Variants in SYN3 observed in about 807,000 individuals in gnomAD.
SYN3 encodes synapsin-3.
In SYN3, 35 loss-of-function variants were observed where a neutral mutation model predicts 65.8. The ratio of observed to expected loss-of-function variants is 0.53; its 90% CI spans 0.41 to 0.70. SYN3 has a LOEUF of 0.70. Ranked by LOEUF, SYN3 falls within the 30% of genes least tolerant of loss-of-function variation. The probability of loss-of-function intolerance (pLI) is 0.00; values close to 1 mark genes in which losing one functional copy is unlikely to be tolerated. For missense variants in SYN3, 680 were observed against 749.0 expected (o/e 0.91, Z 1.08); for synonymous variants, 270 against 292.9 (o/e 0.92, Z 0.80).
chr22:32,513,542 A>T lies in SYN3; in HGVS notation c.*150T>A. On this transcript the variant is annotated 3_prime_UTR_variant, in exon 14 of 14. Transcript: ENST00000358763. ...GGTGAAGGAAAATGGGAACAAATAT[A>T]GATAATCGGTTCCTGGGTCAAAGGC... The T allele has an allele frequency of 9.6e-7, 1 of 1,043,278 alleles. No homozygotes were observed. Among genetic ancestry groups the T allele is most frequent in the Non-Finnish European group, 1.4e-6 (1 of 728,066 alleles). 64.6% of individuals were successfully genotyped at this position (1,043,278 alleles called of 1,614,324 possible).
At chr22:32,675,447 G>A (rs2060426824) in intron 6 of SYN3, among the ~76,000 whole-genome samples, 2 of 152,142 alleles carry the variant, frequency 1.3e-5, no homozygotes, top group Non-Finnish European at 2.9e-5. Context: ...TCAGCTGCCT[G>A]GGACATGGCA....
At chr22:33,040,996 C>A (rs1412394261) in intron 1 of SYN3, among the ~76,000 whole-genome samples, 1 of 149,002 alleles carries the variant, frequency 6.7e-6, no homozygotes, top group Non-Finnish European at 1.5e-5. Context: ...CTCACTGCAA[C>A]CTCCAACTCC....
chr22:32,654,391 ACCT>A (rs2060113961), intron 6 of SYN3, among the ~76,000 whole-genome samples: 1 of 151,896 alleles, frequency 6.6e-6, no homozygotes, highest in Non-Finnish European at 1.5e-5. Flanking sequence ...GTCAATGGCG[ACCT>A]CCTCAAGTGA....
intron 12 of SYN3, among the ~76,000 whole-genome samples, chr22:32,520,227 C>A (rs1444079663): frequency 6.6e-6 from 1 of 152,128 alleles, no homozygotes; most frequent in East Asian, 1.9e-4. Flanking sequence ...AGCAGTGAAC[C>A]CCTGGGCTGA....
At chr22:32,797,999 T>C (rs1405559713) in intron 6 of SYN3, among the ~76,000 whole-genome samples, 1 of 152,262 alleles carries the variant, frequency 6.6e-6, no homozygotes, top group South Asian at 2.1e-4. Flanking sequence ...CTCAGGTCTT[T>C]TGATTTTTTG....
chr22:32,598,165 T>C (rs944335977), intron 6 of SYN3, among the ~76,000 whole-genome samples: 6 of 152,116 alleles, frequency 3.9e-5, no homozygotes, highest in Non-Finnish European at 7.4e-5. Context: ...CCTCTTACAC[T>C]GTGGGCACCG....
intron 6 of SYN3, among the ~76,000 whole-genome samples, chr22:32,606,349 G>A (rs1470042818): frequency 6.6e-6 from 1 of 152,182 alleles, no homozygotes. Flanking sequence ...AAGCACAGGA[G>A]CACTCCCACG....
chr22:33,038,850 C>T (rs1213979233), intron 1 of SYN3, among the ~76,000 whole-genome samples: 3 of 152,306 alleles, frequency 2.0e-5, no homozygotes, highest in Middle Eastern at 3.4e-3. Context: ...TAGTGCACTA[C>T]AAAACCCTGG....
intron 1 of SYN3, among the ~76,000 whole-genome samples, chr22:33,042,908 C>G (rs1436522833): frequency 6.6e-6 from 1 of 152,156 alleles, no homozygotes; most frequent in Non-Finnish European, 1.5e-5. Context: ...GGTGGAAGCC[C>G]TGGGGATGTT....
chr22:32,701,390 A>C (rs1036197400), intron 6 of SYN3, among the ~76,000 whole-genome samples: 6 of 152,254 alleles, frequency 3.9e-5, no homozygotes, highest in Non-Finnish European at 5.9e-5. Context: ...CATCCAGTAA[A>C]AAATTACCAG....
chr22:32,928,216 G>A (rs897398331), intron 4 of SYN3, among the ~76,000 whole-genome samples: 2 of 152,050 alleles, frequency 1.3e-5, no homozygotes, highest in African/African-American at 4.8e-5. Flanking sequence ...TGTAGTCCCA[G>A]CTACTTGGGA....
intron 6 of SYN3, among the ~76,000 whole-genome samples, chr22:32,721,758 A>G (rs2061122255): frequency 6.6e-6 from 1 of 152,248 alleles, no homozygotes; most frequent in Non-Finnish European, 1.5e-5. Flanking sequence ...CAACTGAACA[A>G]TTAAGTAAAC....
At chr22:32,926,703 A>G (rs1343025031) in intron 4 of SYN3, among the ~76,000 whole-genome samples, 1 of 152,206 alleles carries the variant, frequency 6.6e-6, no homozygotes, top group Non-Finnish European at 1.5e-5. Context: ...AGTTACACTG[A>G]TAACTCTTCT....
chr22:32,768,529 A>G (rs2145758839), intron 6 of SYN3, among the ~76,000 whole-genome samples: 1 of 152,298 alleles, frequency 6.6e-6, no homozygotes, highest in South Asian at 2.1e-4. Context: ...GCTCCAAGCC[A>G]TATATGTATA....
chr22:32,883,324 G>A (rs1352949672), intron 4 of SYN3, among the ~76,000 whole-genome samples: 1 of 152,230 alleles, frequency 6.6e-6, no homozygotes, highest in African/African-American at 2.4e-5. Context: ...AACCTCTTAA[G>A]ACAGGATCTT....
chr22:32,643,240 C>T (rs1020287173), intron 6 of SYN3, among the ~76,000 whole-genome samples: 5 of 152,016 alleles, frequency 3.3e-5, no homozygotes, highest in African/African-American at 9.7e-5. Context: ...CCACCATGCC[C>T]GGCTAATTTT....
chr22:32,613,550 G>GT (rs112879807), intron 6 of SYN3, among the ~76,000 whole-genome samples: 38,038 of 151,910 alleles, frequency 0.25, 5,357 homozygotes, highest in Non-Finnish European at 0.31. Context: ...TTATTTCCAC[G>GT]TTTATTTGAG....
At chr22:32,567,099 TG>T (rs986005333) in intron 7 of SYN3, among the ~76,000 whole-genome samples, 18 of 152,040 alleles carry the variant, frequency 1.2e-4, no homozygotes, top group African/African-American at 4.3e-4. Flanking sequence ...ACAGTGAGAC[TG>T]GGAAAGGTAA....
intron 4 of SYN3, among the ~76,000 whole-genome samples, chr22:32,911,013 C>G (rs966879840): frequency 6.6e-6 from 1 of 152,076 alleles, no homozygotes; most frequent in African/African-American, 2.4e-5. Flanking sequence ...GTCTTAACAC[C>G]CTGCCTAAAC....
Sources: gnomAD v4.1 joint callset for allele counts (sites outside exome capture counted in the v4.1 genomes callset) on GRCh38, gnomAD v4.1.1 for gene constraint, MANE v1.5 for transcripts, NCBI Gene and HGNC (gene_info 2026-07-23, HGNC 2026-07-21) for gene names.